MEIS2: variants seen among roughly 807,000 people sequenced by gnomAD.
MEIS2 encodes the protein Meis homeobox 2, also known as homeobox protein Meis2.
Under a neutral mutation model 58.6 loss-of-function variants are expected in MEIS2, and 9 were observed. The ratio of observed to expected loss-of-function variants is 0.15; its 90% CI spans 0.09 to 0.27. The LOEUF (loss-of-function observed/expected upper bound fraction) is 0.27, where lower values mean the gene tolerates loss of function less well. MEIS2 is among the 10% of genes least tolerant of loss of function. The pLI, the probability that MEIS2 is intolerant of heterozygous loss-of-function variation, is 1.00. For synonymous variants in MEIS2, 221 were observed against 228.4 expected, an observed-to-expected ratio of 0.97 and a Z score of 0.29; for missense variants, 427 against 635.0, an observed-to-expected ratio of 0.67 and a Z score of 3.52.
In MEIS2 at chr15:36,972,715, A is replaced by G. The variant is rs983653467; in HGVS notation, c.901-22315T>C. On this transcript the variant is annotated intron_variant, in intron 8 of 11. Transcript: ENST00000561208. ...GTTTCCAAAAGACCTTAATTTTACTACAGTTTAAGATTCAAGTGTATAACA... is the reference window on the plus strand; with the variant it reads ...GTTTCCAAAAGACCTTAATTTTACTGCAGTTTAAGATTCAAGTGTATAACA... 3.3e-5 allele frequency: 5 copies of G among 152,116 alleles called. No individual in the cohort carries two copies. The South Asian group carries it at 8.3e-4, about 25-fold the overall frequency. The allele number at this position is 152,116 out of a possible 1,614,324, so 9.4% of individuals were successfully genotyped here. A position where few individuals can be genotyped will look rare whatever the true frequency, so the allele number is the denominator to read the frequency against.
At chr15:36,919,004 T>C (rs1034021001) in intron 9 of MEIS2, among the ~76,000 whole-genome samples, 1 of 152,096 alleles carries the variant, frequency 6.6e-6, no homozygotes, top group African/African-American at 2.4e-5. Flanking sequence ...ATGCCTGTAA[T>C]TCCACCACTT....
At chr15:37,042,540 C>T (rs1180049769) in intron 7 of MEIS2, among the ~76,000 whole-genome samples, 1 of 152,236 alleles carries the variant, frequency 6.6e-6, no homozygotes, top group African/African-American at 2.4e-5. Context: ...GCTACCACCA[C>T]TGGTATTCTC....
At chr15:37,009,126 A>G (rs77397483) in intron 8 of MEIS2, among the ~76,000 whole-genome samples, 20,706 of 151,982 alleles carry the variant, frequency 0.14, 2,088 homozygotes, top group Admixed American at 0.34. Flanking sequence ...TGTCTCTACT[A>G]AAAATACAAA....
chr15:37,095,696 GGCAATGGCGGA>G, intron 3 of MEIS2, 82 bp from the exon 4 acceptor site: 1 of 1,600,228 alleles, frequency 6.2e-7, no homozygotes, highest in Non-Finnish European at 8.6e-7. Context: ...TACGGTGGAG[GGCAATGGCGGA>G]GAAGAGGAAA....
At chr15:36,999,814 C>T (rs1358280400) in intron 8 of MEIS2, among the ~76,000 whole-genome samples, 1 of 152,208 alleles carries the variant, frequency 6.6e-6, no homozygotes, top group Non-Finnish European at 1.5e-5. Context: ...CTGCATTTCA[C>T]ACTTTTATTT....
At chr15:37,004,838 T>C (rs1260663127) in intron 8 of MEIS2, among the ~76,000 whole-genome samples, 1 of 152,132 alleles carries the variant, frequency 6.6e-6, no homozygotes, top group Non-Finnish European at 1.5e-5. Flanking sequence ...ATCAAGATTA[T>C]GAGGCATGTT....
chr15:36,966,289 C>A (rs760925846), intron 8 of MEIS2, among the ~76,000 whole-genome samples: 1 of 152,160 alleles, frequency 6.6e-6, no homozygotes, highest in Non-Finnish European at 1.5e-5. Context: ...TTCACTTTCT[C>A]ATACATATAG....
At chr15:37,080,911 T>C (rs1892118421) in intron 7 of MEIS2, among the ~76,000 whole-genome samples, 1 of 152,194 alleles carries the variant, frequency 6.6e-6, no homozygotes, top group South Asian at 2.1e-4. Context: ...ACATTTTTTC[T>C]CCTCCTTTTG....
intron 9 of MEIS2, among the ~76,000 whole-genome samples, chr15:36,949,273 C>T (rs1054590635): frequency 9.9e-5 from 15 of 151,792 alleles, no homozygotes; most frequent in African/African-American, 3.6e-4. Flanking sequence ...CATTGTGATC[C>T]TAGAAAAATG....
At chr15:36,925,557 G>A (rs770885242) in intron 9 of MEIS2, among the ~76,000 whole-genome samples, 38 of 152,118 alleles carry the variant, frequency 2.5e-4, no homozygotes, top group South Asian at 6.2e-4. Flanking sequence ...ATTTCACCTC[G>A]TCACTTAAAA....
At chr15:37,086,084 A>G (rs915490022) in intron 6 of MEIS2, among the ~76,000 whole-genome samples, 1 of 152,236 alleles carries the variant, frequency 6.6e-6, no homozygotes, top group Non-Finnish European at 1.5e-5. Flanking sequence ...GTACACAGCA[A>G]TGATGTTAAT....
At chr15:36,916,271 C>CA (rs1383343924) in intron 9 of MEIS2, among the ~76,000 whole-genome samples, 3 of 151,590 alleles carry the variant, frequency 2.0e-5, no homozygotes, top group Non-Finnish European at 2.9e-5. Flanking sequence ...ACTAAAAATA[C>CA]AAAAAATTAG....
chr15:36,967,348 G>C (rs2059389526), intron 8 of MEIS2, among the ~76,000 whole-genome samples: 1 of 152,164 alleles, frequency 6.6e-6, no homozygotes, highest in Non-Finnish European at 1.5e-5. Flanking sequence ...ATGCAAAAAA[G>C]AATCTTCAGC....
intron 9 of MEIS2, among the ~76,000 whole-genome samples, chr15:36,917,617 T>C (rs10518916): frequency 0.06 from 9,077 of 152,296 alleles, 420 homozygotes; most frequent in African/African-American, 0.12. Context: ...TCCGACTTCT[T>C]GAATTGTCCT....
intron 9 of MEIS2, among the ~76,000 whole-genome samples, chr15:36,906,858 T>G (rs2056767203): frequency 6.6e-6 from 1 of 152,176 alleles, no homozygotes; most frequent in Non-Finnish European, 1.5e-5. Context: ...GGGAAGTTCT[T>G]TATCTGACCA....
intron 7 of MEIS2, among the ~76,000 whole-genome samples, chr15:37,067,265 T>C (rs1333067452): frequency 1.3e-5 from 2 of 152,022 alleles, no homozygotes; most frequent in Non-Finnish European, 2.9e-5. Context: ...AATTTTTGTA[T>C]TTTTTGTAGA....
intron 8 of MEIS2, among the ~76,000 whole-genome samples, chr15:36,980,010 C>T (rs2141502676): frequency 6.6e-6 from 1 of 151,462 alleles, no homozygotes; most frequent in East Asian, 1.9e-4. Flanking sequence ...TACTCTAATT[C>T]AGAATATTTA....
chr15:36,919,296 G>A (rs1301433866), intron 9 of MEIS2, among the ~76,000 whole-genome samples: 2 of 152,050 alleles, frequency 1.3e-5, no homozygotes, highest in Non-Finnish European at 1.5e-5. Context: ...AAATTTTGGA[G>A]GGACAGGCAC....
At position 37,079,712 on chromosome 15, in the gene MEIS2, G is replaced by C. The variant is rs11858086; in HGVS notation, c.754+4059C>G. ...TGTATAATACATAAATAAATATCTA[G>C]CTATGAGGAATTCTAGCCTCATCGC... On this transcript the variant is annotated intron_variant, in intron 7 of 11. Transcript: ENST00000561208. 2.3e-3 allele frequency among the ~76,000 whole-genome samples: 352 copies of C among 152,236 alleles called. 2 individuals carry two copies. The highest frequency in any genetic ancestry group is 4.2e-3 in the Non-Finnish European group (286 of 68,018).
Sources: allele counts gnomAD v4.1 joint callset (sites outside exome capture counted in the v4.1 genomes callset), GRCh38; gene constraint gnomAD v4.1.1; transcripts MANE v1.5; gene names NCBI Gene and HGNC (gene_info 2026-07-23, HGNC 2026-07-21).